CNBD1: variants seen among roughly 807,000 people sequenced by gnomAD.
The protein encoded by CNBD1 is cyclic nucleotide binding domain containing 1.
CNBD1 carries 71 observed loss-of-function variants against 54.4 expected under a neutral mutation model. The ratio of observed to expected loss-of-function variants is 1.30; its 90% CI spans 1.08 to 1.59. The LOEUF is 1.59. Among genes scored for constraint, CNBD1 ranks in the 40% most tolerant of loss-of-function variants. The pLI is 0.00. For synonymous variants in CNBD1, 182 were observed against 170.7 expected (o/e 1.07, Z -0.51); for missense variants, 659 against 518.0 (o/e 1.27, Z -2.64).
intron 4 of CNBD1, among the ~76,000 whole-genome samples, chr8:87,132,788 T>C (rs1020564979): frequency 4.8e-5 from 7 of 144,690 alleles, no homozygotes; most frequent in African/African-American, 1.9e-4. Context: ...AATTTGCATA[T>C]ATATATGTGT....
chr8:87,410,874 G>T (rs1014413478), intron 2 of CNBD1, among the ~76,000 whole-genome samples: 1 of 152,082 alleles, frequency 6.6e-6, no homozygotes, highest in African/African-American at 2.4e-5. Flanking sequence ...ATCAAGGAAA[G>T]ACCCTCCATC....
At chr8:87,355,831 C>A (rs372140603) in intron 10 of CNBD1, among the ~76,000 whole-genome samples, 2 of 151,900 alleles carry the variant, frequency 1.3e-5, no homozygotes, top group Non-Finnish European at 2.9e-5. Flanking sequence ...CATGTTGAAA[C>A]GTCATCCTCA....
intron 6 of CNBD1, among the ~76,000 whole-genome samples, chr8:87,264,634 A>G (rs141721081): frequency 0.04 from 6,087 of 152,062 alleles, 164 homozygotes; most frequent in Non-Finnish European, 0.058. Flanking sequence ...AAGCGTTCCT[A>G]TTTCTCCACA....
At chr8:87,017,428 G>T (rs891157795) in intron 4 of CNBD1, among the ~76,000 whole-genome samples, 3 of 152,136 alleles carry the variant, frequency 2.0e-5, no homozygotes, top group Admixed American at 1.3e-4. Context: ...CGGTAACAAT[G>T]ACTGAGCTAG....
intron 4 of CNBD1, among the ~76,000 whole-genome samples, chr8:87,042,356 G>C (rs1453912357): frequency 6.6e-6 from 1 of 152,156 alleles, no homozygotes; most frequent in African/African-American, 2.4e-5. Context: ...TAAAACCACG[G>C]TCTTGAAAAG....
chr8:87,381,407 G>C (rs1563579285), intron 10 of CNBD1, among the ~76,000 whole-genome samples: 1 of 151,888 alleles, frequency 6.6e-6, no homozygotes, highest in Non-Finnish European at 1.5e-5. Context: ...TGGAGAAATT[G>C]GACTTTTTGC....
At chr8:87,028,808 A>G (rs929993166) in intron 4 of CNBD1, among the ~76,000 whole-genome samples, 13 of 152,234 alleles carry the variant, frequency 8.5e-5, no homozygotes, top group African/African-American at 3.1e-4. Context: ...GTAAGTTTCA[A>G]GCTTTAAGAC....
chr8:87,172,545 C>G (rs1813111035), intron 4 of CNBD1, among the ~76,000 whole-genome samples: 1 of 151,882 alleles, frequency 6.6e-6, no homozygotes, highest in South Asian at 2.1e-4. Context: ...CTTTATATAT[C>G]TTGGTGCTCC....
At chr8:87,423,867 G>C (rs1378210726) in intron 2 of CNBD1, among the ~76,000 whole-genome samples, 1 of 152,184 alleles carries the variant, frequency 6.6e-6, no homozygotes, top group South Asian at 2.1e-4. Context: ...GTTCCTCCTT[G>C]TACCTCTGGT....
chr8:87,272,864 C>A (rs550869671), intron 6 of CNBD1, among the ~76,000 whole-genome samples: 1 of 152,034 alleles, frequency 6.6e-6, no homozygotes, highest in Non-Finnish European at 1.5e-5. Context: ...TAGTCACTAA[C>A]AACTTCTTTA....
Position 87,351,698 on chromosome 8 carries a change from T to A in CNBD1, c.1056T>A (p.Ser352Arg). 1 of 1,518,078 alleles carries A rather than the reference T, an allele frequency of 6.6e-7. No individual in the cohort carries two copies. Among genetic ancestry groups the A allele is most frequent in the East Asian group, 2.5e-5 (1 of 40,074 alleles). The allele number at this position is 1,518,078 out of a possible 1,614,324, so 94.0% of individuals were successfully genotyped here. ...KFPPGHVIVE[S>R]GNIISFVGYI... ...TCTTCTTTTCAGTGATAGTGGAAAG[T>A]GGAAATATAATTTCTTTTGTGGGTT... Residue 352 changes from serine to arginine, a missense_variant, in exon 9 of 11, where the codon AGT (serine) becomes AGA (arginine). By Grantham distance (110) the Ser-to-Arg change is moderately radical (BLOSUM62 -1). Coordinates refer to ENST00000518476, the MANE Select transcript of CNBD1 (RefSeq NM_173538.3).
chr8:87,417,911 CATAAAT>C (rs896850953), intron 2 of CNBD1, among the ~76,000 whole-genome samples: 16 of 151,646 alleles, frequency 1.1e-4, no homozygotes, highest in Non-Finnish European at 1.8e-4. Context: ...TTAGAGAAAA[CATAAAT>C]AGAAAGACAT....
At chr8:87,308,863 T>A (rs1809209454) in intron 8 of CNBD1, among the ~76,000 whole-genome samples, 1 of 152,170 alleles carries the variant, frequency 6.6e-6, no homozygotes, top group South Asian at 2.1e-4. Flanking sequence ...GTGCCTGTCT[T>A]ATTTCATTTA....
At chr8:87,347,026 C>T (rs1366554806) in intron 8 of CNBD1, among the ~76,000 whole-genome samples, 3 of 152,154 alleles carry the variant, frequency 2.0e-5, no homozygotes, top group South Asian at 4.1e-4. Flanking sequence ...GCTTTTTCCA[C>T]TTCACCCACT....
intron 4 of CNBD1, among the ~76,000 whole-genome samples, chr8:87,138,564 G>A (rs778958902): frequency 1.2e-4 from 18 of 152,300 alleles, no homozygotes; most frequent in Middle Eastern, 6.8e-3. Flanking sequence ...AGTGGAAATA[G>A]TGTTTTCTCA....
chr8:87,173,962 A>AT (rs200431163), intron 4 of CNBD1, among the ~76,000 whole-genome samples: 8 of 145,202 alleles, frequency 5.5e-5, no homozygotes, highest in South Asian at 2.1e-4. Context: ...TTATTTATTT[A>AT]TTATTATTAT....
intron 4 of CNBD1, among the ~76,000 whole-genome samples, chr8:87,136,618 TATATA>T (rs1812234878): frequency 2.9e-5 from 1 of 34,748 alleles, no homozygotes; most frequent in Non-Finnish European, 4.9e-5. Flanking sequence ...ATATATAAAT[TATATA>T]TTATATTTAT....
chr8:87,260,511 C>CT (rs925269230), intron 6 of CNBD1, among the ~76,000 whole-genome samples: 6 of 152,262 alleles, frequency 3.9e-5, no homozygotes, highest in African/African-American at 1.4e-4. Context: ...CCTCAGAATT[C>CT]TTTTTTGCAT....
intron 2 of CNBD1, among the ~76,000 whole-genome samples, chr8:86,902,345 A>T (rs1053830840): frequency 2.6e-5 from 4 of 152,122 alleles, no homozygotes; most frequent in African/African-American, 9.7e-5. Flanking sequence ...TTTAAAAATA[A>T]GTCATTTTTA....
Sources: allele counts gnomAD v4.1 joint callset (sites outside exome capture counted in the v4.1 genomes callset), GRCh38; gene constraint gnomAD v4.1.1; transcripts MANE v1.5; gene names NCBI Gene and HGNC (gene_info 2026-07-23, HGNC 2026-07-21).